The following PEMT variants were observed in gnomAD, a reference collection of about 807,000 sequenced individuals.
PEMT encodes the protein phosphatidylethanolamine N-methyltransferase, also known as phospholipid methyltransferase.
Under a neutral mutation model 27.4 loss-of-function variants are expected in PEMT, and 23 were observed. The observed-to-expected ratio is 0.84, with a 90% CI of 0.60 to 1.19. The LOEUF is 1.19. Ranked by LOEUF, PEMT falls within the 50% of genes most tolerant of loss-of-function variation. The probability of loss-of-function intolerance (pLI) is 0.00; values close to 1 mark genes in which losing one functional copy is unlikely to be tolerated. For synonymous variants in PEMT, 137 were observed against 139.1 expected (o/e 0.98, Z 0.11); for missense variants, 307 against 310.1 (o/e 0.99, Z 0.07).
rs1470233155 is a variant in PEMT, at chr17:17,561,240, G to A, written c.204+15680C>T. Among the ~76,000 whole-genome samples, 1 of 152,182 alleles carries A rather than the reference G, an allele frequency of 6.6e-6. No individual in the cohort carries two copies. Among genetic ancestry groups the A allele is most frequent in the Non-Finnish European group, 1.5e-5 (1 of 68,042 alleles). On this transcript the variant is annotated intron_variant, in intron 2 of 6. Transcript: ENST00000255389. The surrounding 1 kb of genome is among the most constrained non-coding windows in gnomAD (Gnocchi z 4.5). The stretch of plus-strand genomic sequence containing the variant: ...TGCCTGGCTCCCTGTGCTGCACACG[G>A]AGTGTGTCACATCCTCACACGACCC...
chr17:17,568,252 G>A (rs952917744), intron 2 of PEMT, among the ~76,000 whole-genome samples: 1 of 152,162 alleles, frequency 6.6e-6, no homozygotes, highest in Non-Finnish European at 1.5e-5. Flanking sequence ...TGGGCCAAGT[G>A]CTGCCCTGCC....
intron 3 of PEMT, among the ~76,000 whole-genome samples, chr17:17,520,436 G>C (rs1907177413): frequency 6.6e-6 from 1 of 152,222 alleles, no homozygotes; most frequent in Non-Finnish European, 1.5e-5. Context: ...ATGCTGGTCA[G>C]CGCTTCATGA....
At chr17:17,570,424 T>G in intron 2 of PEMT, 1 of 754,256 alleles carries the variant, frequency 1.3e-6, no homozygotes, top group African/African-American at 1.9e-5. Flanking sequence ...GGCCTGGGCT[T>G]GGGGTACTAC....
At chr17:17,592,098 ACACGCCCAGGGCCC>A (rs1189724761), upstream of PEMT, 27 of 985,242 alleles carry the variant, frequency 2.7e-5, no homozygotes, top group Non-Finnish European at 3.3e-5. Flanking sequence ...CCAGGGCCCC[ACACGCCCAGGGCCC>A]CACGCCCTCT....
intron 2 of PEMT, among the ~76,000 whole-genome samples, chr17:17,543,907 C>T (rs1334151307): frequency 2.0e-4 from 30 of 152,204 alleles, no homozygotes; most frequent in Non-Finnish European, 1.5e-5. Context: ...TGAGCTTGAC[C>T]ATGCATACAA....
intron 2 of PEMT, among the ~76,000 whole-genome samples, chr17:17,538,179 T>G (rs926313515): frequency 1.3e-5 from 2 of 152,118 alleles, no homozygotes; most frequent in Non-Finnish European, 2.9e-5. Context: ...AAGAGCTGGG[T>G]ACCTGAGCCC....
At chr17:17,592,042 C>T (rs1209223809), upstream of PEMT, 1 of 985,384 alleles carries the variant, frequency 1.0e-6, no homozygotes, top group East Asian at 1.1e-4. Flanking sequence ...AAGCAGCTTC[C>T]CGCGCAGCCT....
At chr17:17,531,471 A>C (rs568733209) in intron 2 of PEMT, among the ~76,000 whole-genome samples, 1 of 152,286 alleles carries the variant, frequency 6.6e-6, no homozygotes, top group Non-Finnish European at 1.5e-5. Flanking sequence ...AATACAAAAA[A>C]CTTAGAATAC....
At chr17:17,589,230 G>A (rs1488716080) in intron 1 of PEMT, among the ~76,000 whole-genome samples, 1 of 151,850 alleles carries the variant, frequency 6.6e-6, no homozygotes, top group Non-Finnish European at 1.5e-5. Flanking sequence ...CCAGAGTGCT[G>A]GGATTACAGG....
chr17:17,527,492 G>A (rs1023017593), intron 2 of PEMT, among the ~76,000 whole-genome samples: 9 of 152,218 alleles, frequency 5.9e-5, no homozygotes, highest in African/African-American at 1.9e-4. Flanking sequence ...TCTACTTGCA[G>A]CTTGGAGCTT....
In PEMT at chr17:17,591,486, C is replaced by T. The variant is rs1204298791; in HGVS notation, c.96+45G>A. 6 of 1,501,042 alleles carry T rather than the reference C, an allele frequency of 4.0e-6. 1 individual carries two copies. The Middle Eastern group carries it at 8.6e-4, about 214-fold the overall frequency. The allele number at this position is 1,501,042 out of a possible 1,614,324, so 93.0% of individuals were successfully genotyped here. A position where few individuals can be genotyped will look rare whatever the true frequency, so the allele number is the denominator to read the frequency against. On this transcript the variant is annotated intron_variant, in intron 1 of 6. Transcript: ENST00000255389. Reference sequence around the variant, plus strand: ...AAGCCTTCACGCCCCTCGGGCCTTGCAGATCCCTCTCCCAGTTTCCGCGGC... The same window carrying T: ...AAGCCTTCACGCCCCTCGGGCCTTGTAGATCCCTCTCCCAGTTTCCGCGGC...
chr17:17,584,791 A>G (rs1912154952), intron 1 of PEMT, among the ~76,000 whole-genome samples: 1 of 152,244 alleles, frequency 6.6e-6, no homozygotes, highest in Non-Finnish European at 1.5e-5. Flanking sequence ...GGCAGAACAG[A>G]GTGCTGATGA....
At chr17:17,544,994 C>T (rs1030721795) in intron 2 of PEMT, among the ~76,000 whole-genome samples, 10 of 152,228 alleles carry the variant, frequency 6.6e-5, no homozygotes, top group Non-Finnish European at 1.0e-4. Flanking sequence ...AAGGTGGGCC[C>T]GGGCCCGGGT....
At position 17,582,038 on chromosome 17, in the gene PEMT, T is replaced by TCCTG. The variant is rs1366505077; in HGVS notation, c.97-5015_97-5012dup. 1.2e-4 allele frequency among the ~76,000 whole-genome samples: 18 copies of TCCTG among 151,624 alleles called. No homozygotes were observed. In the East Asian group the frequency reaches 3.3e-3, roughly 28 times the overall value. On this transcript the variant is annotated intron_variant, in intron 1 of 6. Transcript: ENST00000255389. This position sits in a 1 kb window ranked among gnomAD's most constrained non-coding sequence, Gnocchi z 4.9. ...GTCAGACGTGAGCAGAGTAGGAGAG[T>TCCTG]CCTGGGTCCCACATCCAGGCTCTGC...
intron 2 of PEMT, among the ~76,000 whole-genome samples, chr17:17,557,916 G>A (rs1910173851): frequency 6.6e-6 from 1 of 152,228 alleles, no homozygotes; most frequent in South Asian, 2.1e-4. Flanking sequence ...TGGCCAGGGA[G>A]GGCCAGGGAC....
At chr17:17,514,837 C>T (rs1326074641) in intron 3 of PEMT, among the ~76,000 whole-genome samples, 1 of 152,270 alleles carries the variant, frequency 6.6e-6, no homozygotes, top group Non-Finnish European at 1.5e-5. Context: ...CCCCTGCAAG[C>T]ATCTGGCTCC....
intron 2 of PEMT, among the ~76,000 whole-genome samples, chr17:17,550,719 G>A (rs1467275118): frequency 6.6e-6 from 1 of 152,154 alleles, no homozygotes; most frequent in Non-Finnish European, 1.5e-5. Context: ...CCTCTCCCAG[G>A]GCACAAAGCC....
chr17:17,555,220 A>G (rs1416877287), intron 2 of PEMT, among the ~76,000 whole-genome samples: 1 of 152,148 alleles, frequency 6.6e-6, no homozygotes, highest in Non-Finnish European at 1.5e-5. Context: ...TCTGCAGAGC[A>G]CTGTACCCAC....
At chr17:17,550,863 C>T (rs760333580) in intron 2 of PEMT, among the ~76,000 whole-genome samples, 5 of 152,190 alleles carry the variant, frequency 3.3e-5, no homozygotes, top group African/African-American at 7.2e-5. Context: ...AGAAAGCCCA[C>T]GGAGTCGTGA....
Sources: allele counts gnomAD v4.1 joint callset (sites outside exome capture counted in the v4.1 genomes callset), GRCh38; gene constraint gnomAD v4.1.1; non-coding constraint Gnocchi (gnomAD v3.1); transcripts MANE v1.5; gene names NCBI Gene and HGNC (gene_info 2026-07-23, HGNC 2026-07-21).